SASH1: variants seen among roughly 807,000 people sequenced by gnomAD.
The protein encoded by SASH1 is SAM and SH3 domain-containing protein 1.
In SASH1, 44 loss-of-function variants were observed where a neutral mutation model predicts 125.2. That is an observed-to-expected ratio of 0.35 (90% CI 0.28 to 0.45). The LOEUF (loss-of-function observed/expected upper bound fraction) is 0.45, where lower values mean the gene tolerates loss of function less well. SASH1 is among the 20% of genes least tolerant of loss of function. SASH1 has a pLI of 1.00. For synonymous variants in SASH1, 639 were observed against 649.1 expected (o/e 0.98, Z 0.24); for missense variants, 1,426 against 1,614.5 (o/e 0.88, Z 2.00).
intron 8 of SASH1, among the ~76,000 whole-genome samples, chr6:148,497,633 A>G (rs944506363): frequency 1.3e-5 from 2 of 152,206 alleles, no homozygotes; most frequent in Non-Finnish European, 2.9e-5. Flanking sequence ...TAAAAGTGCT[A>G]TTTTTGTACA....
intron 4 of SASH1, among the ~76,000 whole-genome samples, chr6:148,443,552 CTAT>C (rs1292383344): frequency 1.4e-5 from 1 of 69,872 alleles, no homozygotes; most frequent in Non-Finnish European, 3.0e-5. Flanking sequence ...GACCGTGAAA[CTAT>C]TATGTTTCTC....
intron 1 of SASH1, among the ~76,000 whole-genome samples, chr6:148,319,279 C>G (rs927165336): frequency 2.0e-5 from 3 of 151,856 alleles, no homozygotes; most frequent in African/African-American, 4.8e-5. Flanking sequence ...TCATGATCCA[C>G]CCGCCTCTGC....
intron 12 of SASH1, among the ~76,000 whole-genome samples, chr6:148,528,612 A>G (rs887600817): frequency 3.3e-5 from 5 of 152,032 alleles, no homozygotes; most frequent in Non-Finnish European, 5.9e-5. Flanking sequence ...AGAGGCTATC[A>G]TTTTGCTCCC....
intron 1 of SASH1, among the ~76,000 whole-genome samples, chr6:148,291,294 C>T (rs2128508867): frequency 6.6e-6 from 1 of 152,330 alleles, no homozygotes; most frequent in African/African-American, 2.4e-5. Flanking sequence ...GATCATTACA[C>T]ATGGTTTGCA....
Position 148,385,046 on chromosome 6 carries a change from T to C in SASH1, c.157-5088T>C, listed in dbSNP as rs541681160. ...CTCTTAAAAACACACATATACATTC[T>C]TCTATTCTGTTGCCTTTCTTGGCAT... On this transcript the variant is annotated intron_variant, in intron 1 of 19. Coordinates refer to ENST00000367467, the MANE Select transcript of SASH1 (RefSeq NM_015278.5). 5.3e-5 allele frequency among the ~76,000 whole-genome samples: 8 copies of C among 152,346 alleles called. No individual in the cohort carries two copies. In the South Asian group the frequency reaches 1.2e-3, roughly 24 times the overall value.
chr6:148,457,268 G>A (rs73585676), intron 4 of SASH1, among the ~76,000 whole-genome samples: 7,674 of 151,616 alleles, frequency 0.051, 276 homozygotes, highest in African/African-American at 0.1. Context: ...GACTCCAGGG[G>A]CAGCATTACA....
At position 148,519,811 on chromosome 6, in the gene SASH1, CAGA is replaced by C; in HGVS notation, c.1135_1137del (p.Glu379del). On this transcript the variant is annotated inframe_deletion, in exon 10 of 20. Coordinates refer to ENST00000367467, the MANE Select transcript of SASH1 (RefSeq NM_015278.5). The surrounding 1 kb of genome is among the most constrained non-coding windows in gnomAD (Gnocchi z 4.8). ...AAGATGGGGACATTCTTCTCCTACC[CAGA>C]AGAAGAAAAGGCCCAGAAAGTGTCC... is the stretch of plus-strand genomic sequence containing the variant. 7 of 1,613,584 alleles carry C rather than the reference CAGA, an allele frequency of 4.3e-6. No individual in the cohort carries two copies. Among genetic ancestry groups the C allele is most frequent in the Non-Finnish European group, 5.9e-6 (7 of 1,179,782 alleles).
Position 148,544,530 on chromosome 6 carries a change from A to C in SASH1, c.3060A>C (p.Pro1020=). ...CCAGTCCCGATGCGCCATGCCTGCC[A>C]GTGAAAAGGGGCAGCCCCGCCAGCC... The part of the protein sequence containing the change: ...ALPSPDAPCL[P]VKRGSPASPT... The change falls in exon 18 of 20, where the codon CCA becomes CCC. Residue 1020 remains proline (P), a synonymous_variant. Transcript: ENST00000367467. This position sits in a 1 kb window ranked among gnomAD's most constrained non-coding sequence, Gnocchi z 6.4. The C allele has an allele frequency of 6.2e-7, 1 of 1,613,204 alleles. No homozygotes were observed. The highest frequency in any genetic ancestry group is 1.1e-5 in the South Asian group (1 of 91,072).
the SASH1 span, among the ~76,000 whole-genome samples, chr6:148,215,910 T>G: frequency 6.6e-6 from 1 of 152,144 alleles, no homozygotes; most frequent in Non-Finnish European, 1.5e-5. Flanking sequence ...CAGGCTGCCG[T>G]GCAATGGTGC....
At chr6:148,486,680 C>T (rs1173790951) in intron 7 of SASH1, among the ~76,000 whole-genome samples, 1 of 147,636 alleles carries the variant, frequency 6.8e-6, no homozygotes, top group Admixed American at 6.9e-5. Flanking sequence ...TTTTGGGAGG[C>T]TGAGGGGGTG....
At chr6:148,440,620 T>A (rs557341483) in intron 4 of SASH1, 257 of 571,666 alleles carry the variant, frequency 4.5e-4, no homozygotes, top group African/African-American at 4.4e-3. Context: ...TTGTGAAGAG[T>A]TACTGATTTT....
the SASH1 span, among the ~76,000 whole-genome samples, chr6:148,242,494 T>G: frequency 6.6e-6 from 1 of 152,206 alleles, no homozygotes; most frequent in African/African-American, 2.4e-5. Flanking sequence ...CAATTTCTAG[T>G]GTTCAATCTT....
intron 1 of SASH1, among the ~76,000 whole-genome samples, chr6:148,319,133 T>C (rs1474156144): frequency 2.1e-5 from 3 of 140,084 alleles, no homozygotes; most frequent in Non-Finnish European, 4.6e-5. Context: ...CCCGAGTTCA[T>C]GCCATTCTCC....
chr6:148,244,873 G>A, the SASH1 span, among the ~76,000 whole-genome samples: 1 of 149,254 alleles, frequency 6.7e-6, no homozygotes, highest in African/African-American at 2.5e-5. Flanking sequence ...CTGTTCACAG[G>A]TTCTGGGGCC....
At chr6:148,309,103 A>AAAT (rs60194902) in intron 1 of SASH1, among the ~76,000 whole-genome samples, 5 of 143,604 alleles carry the variant, frequency 3.5e-5, no homozygotes, top group Admixed American at 7.2e-5. Context: ...AAAAAAAAAA[A>AAAT]GATTCTCTTT....
At position 148,405,455 on chromosome 6, in the gene SASH1, G is replaced by C. The variant is rs567714946; in HGVS notation, c.285+15193G>C. 3.9e-5 allele frequency among the ~76,000 whole-genome samples: 6 copies of C among 152,136 alleles called. 1 individual carries two copies. In the East Asian group the frequency reaches 1.2e-3, roughly 29 times the overall value. Reference sequence around the variant, plus strand: ...CTGTTCCCACTGCATTCTACTCCAGGCTCAGGTTAGCAGGGCTGAGAATGA... The same window carrying C: ...CTGTTCCCACTGCATTCTACTCCAGCCTCAGGTTAGCAGGGCTGAGAATGA... On this transcript the variant is annotated intron_variant, in intron 2 of 19. Transcript: ENST00000367467.
At chr6:148,381,049 G>A (rs924251856) in intron 1 of SASH1, among the ~76,000 whole-genome samples, 2 of 152,164 alleles carry the variant, frequency 1.3e-5, no homozygotes, top group Non-Finnish European at 2.9e-5. Flanking sequence ...AAACACAGGC[G>A]AATGTTGACA....
chr6:148,331,416 G>A (rs1294848714), intron 1 of SASH1, among the ~76,000 whole-genome samples: 3 of 152,054 alleles, frequency 2.0e-5, no homozygotes, highest in African/African-American at 7.3e-5. Flanking sequence ...TGCAACCTCT[G>A]CCTCCCGGGT....
At chr6:148,278,399 T>C (rs1779248450) in intron 1 of SASH1, among the ~76,000 whole-genome samples, 2 of 152,130 alleles carry the variant, frequency 1.3e-5, no homozygotes, top group Admixed American at 1.3e-4. Flanking sequence ...CATTACAGCC[T>C]GGCTGGGGAA....
Sources: allele counts gnomAD v4.1 joint callset (sites outside exome capture counted in the v4.1 genomes callset), GRCh38; gene constraint gnomAD v4.1.1; non-coding constraint Gnocchi (gnomAD v3.1); transcripts MANE v1.5; gene names NCBI Gene and HGNC (gene_info 2026-07-23, HGNC 2026-07-21).